Variants in IQCM observed in about 807,000 individuals in gnomAD.
The protein encoded by IQCM is IQ motif containing M.
IQCM carries 45 observed loss-of-function variants against 57.6 expected under a neutral mutation model. That is an observed-to-expected ratio of 0.78 (90% CI 0.62 to 1.00). The LOEUF (loss-of-function observed/expected upper bound fraction) is 1.00, where lower values mean the gene tolerates loss of function less well. Among genes scored for constraint, IQCM ranks in the 50% least tolerant of loss-of-function variants. IQCM has a pLI of 0.00. For missense variants in IQCM, 468 were observed against 511.6 expected (o/e 0.91, Z 0.82); for synonymous variants, 148 against 158.9 (o/e 0.93, Z 0.51).
At chr4:149,394,338 T>A (rs1181316509) in intron 13 of IQCM, among the ~76,000 whole-genome samples, 1 of 152,044 alleles carries the variant, frequency 6.6e-6, no homozygotes, top group Non-Finnish European at 1.5e-5. Flanking sequence ...GTTCTTCAGA[T>A]TAATCCTCTA....
In IQCM at chr4:149,481,709, T is replaced by TTTTTGTTTTTTGTTTTTTTG. The variant is rs1560896039; in HGVS notation, c.1229-48153_1229-48152insCAAAAAAACAAAAAACAAAA. Among the ~76,000 whole-genome samples, 8 of 133,058 alleles carry TTTTTGTTTTTTGTTTTTTTG rather than the reference T, an allele frequency of 6.0e-5. 1 individual carries two copies. The highest frequency in any genetic ancestry group is 1.1e-4 in the African/African-American group (4 of 36,762). The allele number at this position is 133,058 out of a possible 152,430, so 87.3% of individuals were successfully genotyped here. A position where few individuals can be genotyped will look rare whatever the true frequency, so the allele number is the denominator to read the frequency against. ...GTGATTCTTCCAGTTTTGTTTTTTT[T>TTTTTGTTTTTTGTTTTTTTG]TTTTTTTTTTTTTGCTTTTTGCTTA... is the stretch of plus-strand genomic sequence containing the variant. On this transcript the variant is annotated intron_variant, in intron 12 of 13. Coordinates refer to ENST00000636793, the MANE Select transcript of IQCM (RefSeq NM_001363507.2).
intron 2 of IQCM, among the ~76,000 whole-genome samples, chr4:149,777,099 CA>C (rs2150000415): frequency 6.6e-6 from 1 of 152,204 alleles, no homozygotes; most frequent in East Asian, 1.9e-4. Flanking sequence ...CTCCAAATTC[CA>C]AAGCTACTAT....
At chr4:149,364,910 A>C (rs1470089485) in intron 13 of IQCM, among the ~76,000 whole-genome samples, 2 of 152,114 alleles carry the variant, frequency 1.3e-5, no homozygotes, top group Non-Finnish European at 2.9e-5. Context: ...TAACTCTGGA[A>C]ATCAGTGTTT....
At chr4:149,765,417 C>T (rs1332991580) in intron 2 of IQCM, among the ~76,000 whole-genome samples, 1 of 152,084 alleles carries the variant, frequency 6.6e-6, no homozygotes, top group African/African-American at 2.4e-5. Context: ...AAAATTATGA[C>T]ACTGAGAGAA....
intron 12 of IQCM, among the ~76,000 whole-genome samples, chr4:149,524,493 G>A (rs1220782355): frequency 1.3e-5 from 2 of 151,998 alleles, no homozygotes; most frequent in Non-Finnish European, 2.9e-5. Context: ...TCTTAGAGAA[G>A]AGTGAAAAAT....
intron 7 of IQCM, among the ~76,000 whole-genome samples, chr4:149,681,091 TTAG>T (rs955823873): frequency 7.3e-5 from 11 of 151,278 alleles, no homozygotes; most frequent in Non-Finnish European, 1.5e-4. Flanking sequence ...TGTCACAGAA[TTAG>T]TAGAACTTTA....
At chr4:149,693,269 T>C (rs1763078351) in intron 5 of IQCM, among the ~76,000 whole-genome samples, 1 of 152,200 alleles carries the variant, frequency 6.6e-6, no homozygotes, top group East Asian at 1.9e-4. Context: ...CTTCTAACCC[T>C]TTACTTGAAT....
At chr4:149,465,226 G>T (rs1560873316) in intron 12 of IQCM, among the ~76,000 whole-genome samples, 2 of 151,874 alleles carry the variant, frequency 1.3e-5, no homozygotes, top group African/African-American at 4.8e-5. Flanking sequence ...ATACATTTTG[G>T]TTTTTTTTAA....
Position 149,587,963 on chromosome 4 carries a change from T to G in IQCM, c.716A>C (p.Gln239Pro), listed in dbSNP as rs61748265. 4.2e-3 allele frequency: 5,205 copies of G among 1,225,816 alleles called. 6 individuals carry two copies. Among genetic ancestry groups the G allele is most frequent in the Non-Finnish European group, 5.0e-3 (4,882 of 982,744 alleles). The allele number at this position is 1,225,816 out of a possible 1,614,324, so 75.9% of individuals were successfully genotyped here. A position where few individuals can be genotyped will look rare whatever the true frequency, so the allele number is the denominator to read the frequency against. The change falls in exon 9 of 14, where the codon CAA (glutamine) becomes CCA (proline). Residue 239 changes from glutamine to proline, a missense_variant. Physicochemically the swap from Gln to Pro is moderately conservative, Grantham distance 76 (BLOSUM62 -1). Transcript: ENST00000636793. Reference protein sequence around the residue: ...TFKTLIKKERQPIKPEPKSQP... With the variant: ...TFKTLIKKERPPIKPEPKSQP... The stretch of plus-strand genomic sequence containing the variant: ...TGATTTTGGTTCTGGCTTGATAGGT[T>G]GTCGCTCCTTTTTAATAAGGGTTTT...
At chr4:149,576,325 C>T (rs1269611748) in intron 9 of IQCM, among the ~76,000 whole-genome samples, 1 of 151,656 alleles carries the variant, frequency 6.6e-6, no homozygotes, top group Non-Finnish European at 1.5e-5. Context: ...TGAAGTAGGC[C>T]CTTGTGTCTA....
At chr4:149,799,845 C>G (rs1387018121) in intron 2 of IQCM, among the ~76,000 whole-genome samples, 1 of 146,370 alleles carries the variant, frequency 6.8e-6, no homozygotes, top group Non-Finnish European at 1.5e-5. Context: ...AAAAGTCTAC[C>G]AGTAAAAAAA....
chr4:149,659,047 T>C (rs1465659690), intron 7 of IQCM, among the ~76,000 whole-genome samples: 2 of 152,138 alleles, frequency 1.3e-5, no homozygotes, highest in Non-Finnish European at 2.9e-5. Context: ...GGTATCTTTT[T>C]TATTGCATCT....
chr4:149,592,680 G>C (rs1389858863), intron 8 of IQCM, among the ~76,000 whole-genome samples: 1 of 149,452 alleles, frequency 6.7e-6, no homozygotes, highest in South Asian at 2.1e-4. Context: ...ACATAGGCTA[G>C]CCAGTTTTCC....
At chr4:149,761,319 C>T (rs1388474205) in intron 2 of IQCM, among the ~76,000 whole-genome samples, 2 of 152,070 alleles carry the variant, frequency 1.3e-5, no homozygotes, top group African/African-American at 4.8e-5. Flanking sequence ...ACATGTCCAG[C>T]TCAAAGTCCC....
intron 5 of IQCM, among the ~76,000 whole-genome samples, chr4:149,693,805 T>C (rs1254554811): frequency 1.3e-5 from 2 of 152,210 alleles, no homozygotes; most frequent in Admixed American, 1.3e-4. Context: ...TCCATATTTG[T>C]CTGAAAATAG....
intron 13 of IQCM, among the ~76,000 whole-genome samples, chr4:149,393,475 T>C (rs1349226383): frequency 6.6e-6 from 1 of 151,742 alleles, no homozygotes; most frequent in Non-Finnish European, 1.5e-5. Context: ...ATGGAAAAGA[T>C]AAAATATTCT....
chr4:149,371,565 C>T (rs1238586020), intron 13 of IQCM, among the ~76,000 whole-genome samples: 1 of 152,184 alleles, frequency 6.6e-6, no homozygotes, highest in African/African-American at 2.4e-5. Flanking sequence ...CTTCTGTTCT[C>T]TTAGATTGTG....
At chr4:149,522,161 A>T (rs1243909233) in intron 12 of IQCM, among the ~76,000 whole-genome samples, 1 of 152,182 alleles carries the variant, frequency 6.6e-6, no homozygotes, top group Non-Finnish European at 1.5e-5. Context: ...TGGAACAGAC[A>T]GAGTTATTCT....
At chr4:149,678,288 A>G (rs186492167) in intron 7 of IQCM, among the ~76,000 whole-genome samples, 2 of 152,004 alleles carry the variant, frequency 1.3e-5, no homozygotes, top group South Asian at 2.1e-4. Context: ...ACAAGAGAAA[A>G]AAAGCAAATA....
Sources: allele counts gnomAD v4.1 joint callset (sites outside exome capture counted in the v4.1 genomes callset), GRCh38; gene constraint gnomAD v4.1.1; transcripts MANE v1.5; gene names NCBI Gene and HGNC (gene_info 2026-07-23, HGNC 2026-07-21).